SNTG2: variants seen among roughly 807,000 people sequenced by gnomAD.
The protein encoded by SNTG2 is syntrophin gamma 2.
A neutral mutation model predicts 70.9 loss-of-function variants in SNTG2; 74 were observed. That is an observed-to-expected ratio of 1.04 (90% confidence interval 0.86 to 1.27). The LOEUF is 1.27. Ranked by LOEUF, SNTG2 falls within the 50% of genes most tolerant of loss-of-function variation. The pLI, the probability that SNTG2 is intolerant of heterozygous loss-of-function variation, is 0.00. For synonymous variants in SNTG2, 278 were observed against 273.8 expected (o/e 1.02, Z -0.15); for missense variants, 717 against 690.7 (o/e 1.04, Z -0.43).
chr2:1,327,394 T>C (rs183089116), intron 16 of SNTG2, among the ~76,000 whole-genome samples: 1 of 152,320 alleles, frequency 6.6e-6, no homozygotes, highest in African/African-American at 2.4e-5. Flanking sequence ...ATGACTGATA[T>C]GTTCGATGAA....
At chr2:1,302,931 G>C (rs988630018) in intron 14 of SNTG2, among the ~76,000 whole-genome samples, 1 of 152,068 alleles carries the variant, frequency 6.6e-6, no homozygotes, top group East Asian at 1.9e-4. Context: ...TCAGTCCACC[G>C]GGAAGACCCA....
intron 6 of SNTG2, among the ~76,000 whole-genome samples, chr2:1,148,963 C>T (rs1219493140): frequency 1.3e-5 from 2 of 152,118 alleles, no homozygotes; most frequent in Non-Finnish European, 2.9e-5. Flanking sequence ...CTTGATGCTT[C>T]TGTGCATCGC....
chr2:1,132,229 A>G (rs80145051), intron 4 of SNTG2, among the ~76,000 whole-genome samples: 2 of 115,408 alleles, frequency 1.7e-5, no homozygotes, highest in African/African-American at 2.6e-5. Context: ...ATGTGTATAT[A>G]TGTGTGTGTA....
chr2:1,341,675 A>G (rs373549430), intron 16 of SNTG2: 32 of 152,296 alleles, frequency 2.1e-4, no homozygotes, highest in African/African-American at 7.5e-4. Context: ...TTTCTCAGTC[A>G]AATGAGACTC....
chr2:1,197,499 ATGTG>A (rs1249451730), intron 8 of SNTG2, among the ~76,000 whole-genome samples: 63 of 111,946 alleles, frequency 5.6e-4, no homozygotes, highest in Middle Eastern at 4.1e-3. Flanking sequence ...GTATGTATAT[ATGTG>A]TATGTATATA....
At chr2:970,334 T>C (rs577070236) in intron 1 of SNTG2, among the ~76,000 whole-genome samples, 161 of 151,936 alleles carry the variant, frequency 1.1e-3, no homozygotes, top group African/African-American at 3.8e-3. Context: ...TAGTTACATA[T>C]GTATACATGT....
chr2:1,009,756 A>G (rs1659674583), intron 1 of SNTG2, among the ~76,000 whole-genome samples: 1 of 152,022 alleles, frequency 6.6e-6, no homozygotes, highest in African/African-American at 2.4e-5. Flanking sequence ...GATACTGGTG[A>G]ATCTCCCAAC....
intron 1 of SNTG2, among the ~76,000 whole-genome samples, chr2:1,027,228 A>G (rs1209307394): frequency 6.6e-6 from 1 of 152,208 alleles, no homozygotes; most frequent in East Asian, 1.9e-4. Flanking sequence ...CCCTGGTCCC[A>G]GCAAGTAACT....
chr2:1,310,536 G>A (rs1373611313), intron 15 of SNTG2, among the ~76,000 whole-genome samples: 1 of 152,222 alleles, frequency 6.6e-6, no homozygotes, highest in Non-Finnish European at 1.5e-5. Flanking sequence ...TTCACCTGGA[G>A]TGGCCATGGG....
chr2:1,106,207 G>C (rs1297372281), intron 4 of SNTG2, among the ~76,000 whole-genome samples: 2 of 112,694 alleles, frequency 1.8e-5, no homozygotes, highest in Non-Finnish European at 3.6e-5. Context: ...TCAGGGTATG[G>C]AGAGCTCCTT....
chr2:1,167,213 G>A (rs6751965), intron 7 of SNTG2, among the ~76,000 whole-genome samples: 5,829 of 91,846 alleles, frequency 0.063, 255 homozygotes, highest in African/African-American at 0.19. Flanking sequence ...CACAGATGGC[G>A]GAACTGAAGC....
At chr2:1,335,023 T>C (rs978055076) in intron 16 of SNTG2, among the ~76,000 whole-genome samples, 3 of 152,340 alleles carry the variant, frequency 2.0e-5, no homozygotes, top group Admixed American at 6.5e-5. Context: ...TAAATGGTTA[T>C]GTTGTTTCTT....
At chr2:1,131,430 A>G (rs1408200540) in intron 4 of SNTG2, among the ~76,000 whole-genome samples, 2 of 152,098 alleles carry the variant, frequency 1.3e-5, no homozygotes, top group Admixed American at 6.5e-5. Context: ...TGGCAAATCC[A>G]TTTGACTTCC....
intron 8 of SNTG2, among the ~76,000 whole-genome samples, chr2:1,181,250 C>T (rs1411324669): frequency 6.6e-6 from 1 of 152,042 alleles, no homozygotes; most frequent in African/African-American, 2.4e-5. Context: ...TGTGGTTATT[C>T]TTTGCACTCA....
intron 13 of SNTG2, 46 bp downstream of exon 13, chr2:1,259,487 C>T: frequency 6.7e-7 from 1 of 1,485,234 alleles, no homozygotes; most frequent in Non-Finnish European, 9.4e-7. Flanking sequence ...AATAAGATGC[C>T]CTTTGGGCTT....
At chr2:1,076,916 T>C (rs1017011653) in intron 1 of SNTG2, among the ~76,000 whole-genome samples, 14 of 152,312 alleles carry the variant, frequency 9.2e-5, no homozygotes, top group African/African-American at 2.9e-4. Flanking sequence ...CTGAGTCTTC[T>C]CCATGCTATG....
intron 16 of SNTG2, among the ~76,000 whole-genome samples, chr2:1,336,650 A>C (rs1659833137): frequency 6.6e-6 from 1 of 152,146 alleles, no homozygotes; most frequent in Non-Finnish European, 1.5e-5. Context: ...GTGTGAAATA[A>C]ATATCTGATT....
Position 1,247,354 on chromosome 2 carries a change from A to G in SNTG2, c.916A>G (p.Lys306Glu). ...TGTGCATATGGGGTGGGTAAATGAGAAACTCCAAGGAGCTGACTCCTCTCA... is the reference window on the plus strand; with the variant it reads ...TGTGCATATGGGGTGGGTAAATGAGGAACTCCAAGGAGCTGACTCCTCTCA... ...QVVHMGWVNE[K>E]LQGADSSQTF... The change falls in exon 12 of 17, where the codon AAA (lysine) becomes GAA (glutamate). Residue 306 changes from lysine (K) to glutamate (E), a missense_variant. Coordinates refer to ENST00000308624, the MANE Select transcript of SNTG2 (RefSeq NM_018968.4). 1 of 1,613,880 alleles carries G rather than the reference A, an allele frequency of 6.2e-7. No individual in the cohort carries two copies. The highest frequency in any genetic ancestry group is 8.5e-7 in the Non-Finnish European group (1 of 1,179,818).
At chr2:1,320,331 G>A (rs543534025) in intron 16 of SNTG2, among the ~76,000 whole-genome samples, 3 of 151,938 alleles carry the variant, frequency 2.0e-5, no homozygotes, top group South Asian at 4.2e-4. Context: ...TCATGAGATC[G>A]AGACCATCCT....
Sources: gnomAD v4.1 joint callset for allele counts (sites outside exome capture counted in the v4.1 genomes callset) on GRCh38, gnomAD v4.1.1 for gene constraint, MANE v1.5 for transcripts, NCBI Gene and HGNC (gene_info 2026-07-23, HGNC 2026-07-21) for gene names.